The following HECW2 variants were observed in gnomAD, a reference collection of about 807,000 sequenced individuals.
HECW2 encodes the protein E3 ubiquitin-protein ligase HECW2.
HECW2 carries 61 observed loss-of-function variants against 175.2 expected under a neutral mutation model. The observed-to-expected ratio is 0.35, with a 90% confidence interval of 0.28 to 0.43. The LOEUF is 0.43. Ranked by LOEUF, HECW2 falls within the 20% of genes least tolerant of loss-of-function variation. The pLI, the probability that HECW2 is intolerant of heterozygous loss-of-function variation, is 1.00. For synonymous variants in HECW2, 671 were observed against 731.0 expected (o/e 0.92, Z 1.32); for missense variants, 1,524 against 2,000.5 (o/e 0.76, Z 4.54).
At chr2:196,326,475 C>T (rs939886952) in intron 5 of HECW2, among the ~76,000 whole-genome samples, 27 of 149,804 alleles carry the variant, frequency 1.8e-4, no homozygotes, top group African/African-American at 6.2e-4. Context: ...GACAGAGTCT[C>T]GTTGTGTCGC....
chr2:196,285,093 G>A (rs941193283), intron 14 of HECW2, among the ~76,000 whole-genome samples: 1 of 152,154 alleles, frequency 6.6e-6, no homozygotes, highest in Admixed American at 6.5e-5. Context: ...CAGGAAATAT[G>A]GGCTAGTTGG....
At chr2:196,292,521 C>A in intron 14 of HECW2, 44 bp downstream of exon 14, 1 of 1,555,798 alleles carries the variant, frequency 6.4e-7, no homozygotes, top group Non-Finnish European at 8.8e-7. Flanking sequence ...CCACAAGCAG[C>A]CCACAGGCAT....
intron 1 of HECW2, among the ~76,000 whole-genome samples, chr2:196,572,465 G>C (rs1268599367): frequency 6.6e-6 from 1 of 152,192 alleles, no homozygotes; most frequent in Non-Finnish European, 1.5e-5. Flanking sequence ...TTACAGGCAT[G>C]AGCCACCATG....
rs367912759 is a variant in HECW2 at position 196,307,209 on chromosome 2, C to T, written c.2610G>A (p.Met870Ile). 32 of 1,613,188 alleles carry T rather than the reference C, an allele frequency of 2.0e-5. No individual in the cohort carries two copies. Among genetic ancestry groups the T allele is most frequent in the Admixed American group, 3.3e-5 (2 of 60,008 alleles). The change falls in exon 12 of 29, where the codon ATG becomes ATA. Residue 870 changes from methionine (M) to isoleucine (I), a missense_variant. This residue lies in a region of HECW2 where 105 missense variants were observed against 98.1 expected (regional missense o/e 1.07). Coordinates refer to ENST00000644978, the MANE Select transcript of HECW2 (RefSeq NM_001348768.2). ...NRRYQSIRRTMTNERPEENTN... is the reference protein window; with the variant it reads ...NRRYQSIRRTITNERPEENTN... ...TATTTTCCTCAGGCCTCTCATTGGT[C>T]ATGGTTCTGCGGATACTCTGATATC...
In HECW2 at chr2:196,328,023, C is replaced by A. The variant is rs533641178; in HGVS notation, c.571+1552G>T. On this transcript the variant is annotated intron_variant, in intron 5 of 28. Coordinates refer to ENST00000644978, the MANE Select transcript of HECW2 (RefSeq NM_001348768.2). ...AGGGTAATAATTTTAAACTAAGAAA[C>A]CCATGGTTTATATCAAAACATCATG... Among the ~76,000 whole-genome samples the A allele has an allele frequency of 2.6e-4, 40 of 151,880 alleles. 1 individual carries two copies. Among genetic ancestry groups the A allele is most frequent in the African/African-American group, 8.9e-4 (37 of 41,422 alleles).
intron 1 of HECW2, among the ~76,000 whole-genome samples, chr2:196,544,208 T>A (rs1206937543): frequency 6.6e-6 from 1 of 152,134 alleles, no homozygotes; most frequent in African/African-American, 2.4e-5. Context: ...CTTGCTCTTA[T>A]CCAAAGGCCC....
rs575650976 is a variant in HECW2, at chr2:196,203,838, G to A, written c.4608-2450C>T. Among the ~76,000 whole-genome samples the A allele has an allele frequency of 5.0e-3, 759 of 152,244 alleles. 5 individuals carry two copies. The highest frequency in any genetic ancestry group is 8.5e-3 in the Non-Finnish European group (575 of 68,006). On this transcript the variant is annotated intron_variant, in intron 28 of 28. Coordinates refer to ENST00000644978, the MANE Select transcript of HECW2 (RefSeq NM_001348768.2). ...CAGAACTTCTGCATCTCGCAAAACT[G>A]AAATCTGTATCCATTAAATAGTAAC...
At position 196,433,450 on chromosome 2, in the gene HECW2, C is replaced by T; in HGVS notation, c.-27G>A. The T allele has an allele frequency of 6.2e-7, 1 of 1,600,946 alleles. No individual in the cohort carries two copies. The highest frequency in any genetic ancestry group is 1.9e-4 in the Middle Eastern group (1 of 5,332). On this transcript the variant is annotated 5_prime_UTR_variant, in exon 2 of 29. Transcript: ENST00000644978. ...CCGTCTGCTTCTCTGGGATTGGCTGCCTACAAAGCTGCAAGAGACAGATAA... is the reference window on the plus strand; with the variant it reads ...CCGTCTGCTTCTCTGGGATTGGCTGTCTACAAAGCTGCAAGAGACAGATAA...
At chr2:196,367,854 T>TTGTGTG (rs59971469) in intron 2 of HECW2, among the ~76,000 whole-genome samples, 8 of 130,182 alleles carry the variant, frequency 6.1e-5, no homozygotes, top group Admixed American at 4.4e-4. Context: ...TAGTACTCCA[T>TTGTGTG]TGTGTGTGTG....
chr2:196,394,264 A>G (rs981119755), intron 2 of HECW2, among the ~76,000 whole-genome samples: 1 of 152,220 alleles, frequency 6.6e-6, no homozygotes, highest in African/African-American at 2.4e-5. Flanking sequence ...ACAAATGTGC[A>G]CGTTGTGCAC....
At chr2:196,353,116 C>T (rs765106097) in intron 2 of HECW2, among the ~76,000 whole-genome samples, 2 of 152,150 alleles carry the variant, frequency 1.3e-5, no homozygotes, top group African/African-American at 2.4e-5. Context: ...CTCCTTACCC[C>T]CTTCCAGCCA....
chr2:196,276,901 A>G (rs909553366), intron 15 of HECW2, among the ~76,000 whole-genome samples: 1 of 152,326 alleles, frequency 6.6e-6, no homozygotes, highest in African/African-American at 2.4e-5. Context: ...AGATCCAGTT[A>G]TTTATTGTAT....
intron 4 of HECW2, 70 bp downstream of exon 4, chr2:196,334,354 G>T: frequency 2.6e-6 from 3 of 1,152,938 alleles, no homozygotes; most frequent in Non-Finnish European, 3.8e-6. Flanking sequence ...TGTCAGGGCC[G>T]CACAGGTAAA....
intron 1 of HECW2, among the ~76,000 whole-genome samples, chr2:196,523,962 C>A (rs909848161): frequency 2.0e-5 from 3 of 152,038 alleles, no homozygotes; most frequent in South Asian, 4.2e-4. Context: ...CTCTGCCCGG[C>A]TTTGGTATCA....
chr2:196,398,764 C>A (rs552972586), intron 2 of HECW2, among the ~76,000 whole-genome samples: 3 of 152,232 alleles, frequency 2.0e-5, no homozygotes, highest in Middle Eastern at 6.8e-3. Context: ...AAAAGACTCA[C>A]GTTATTCTGC....
At chr2:196,326,426 T>A (rs942186390) in intron 5 of HECW2, among the ~76,000 whole-genome samples, 3 of 150,072 alleles carry the variant, frequency 2.0e-5, no homozygotes, top group Non-Finnish European at 4.4e-5. Context: ...TCTGCAAATA[T>A]TTAAAAATTA....
At chr2:196,204,819 G>A (rs994241071) in intron 28 of HECW2, among the ~76,000 whole-genome samples, 9 of 152,210 alleles carry the variant, frequency 5.9e-5, no homozygotes, top group Non-Finnish European at 1.2e-4. Context: ...AGGACAGGTG[G>A]TGAAACAAAG....
In HECW2 at chr2:196,433,461, G is replaced by T; in HGVS notation, c.-35-3C>A. 6.3e-7 allele frequency: 1 copy of T among 1,585,530 alleles called. No individual in the cohort carries two copies. The highest frequency in any genetic ancestry group is 8.6e-7 in the Non-Finnish European group (1 of 1,165,546). On this transcript the variant is annotated splice_polypyrimidine_tract_variant and splice_region_variant and intron_variant, in intron 1 of 28. Transcript: ENST00000644978. Reference sequence around the variant, plus strand: ...TCTGGGATTGGCTGCCTACAAAGCTGCAAGAGACAGATAAACATAAAACAT... The same window carrying T: ...TCTGGGATTGGCTGCCTACAAAGCTTCAAGAGACAGATAAACATAAAACAT...
chr2:196,398,963 G>C (rs574722849), intron 2 of HECW2, among the ~76,000 whole-genome samples: 2 of 152,324 alleles, frequency 1.3e-5, no homozygotes, highest in African/African-American at 4.8e-5. Context: ...CTGGGCAAGA[G>C]AGGGAGACCC....
Sources: allele counts gnomAD v4.1 joint callset (sites outside exome capture counted in the v4.1 genomes callset), GRCh38; gene constraint gnomAD v4.1.1; regional missense constraint gnomAD v4.1.1; transcripts MANE v1.5; gene names NCBI Gene and HGNC (gene_info 2026-07-23, HGNC 2026-07-21).